The following PIK3CB variants were observed in gnomAD, a reference collection of about 807,000 sequenced individuals.
The protein encoded by PIK3CB is phosphatidylinositol-4,5-bisphosphate 3-kinase catalytic subunit beta.
PIK3CB carries 39 observed loss-of-function variants against 136.8 expected under a neutral mutation model. The ratio of observed to expected loss-of-function variants is 0.29; its 90% CI spans 0.22 to 0.37. PIK3CB has a LOEUF of 0.37. PIK3CB is among the 10% of genes least tolerant of loss of function. The probability of loss-of-function intolerance (pLI) is 1.00; values close to 1 mark genes in which losing one functional copy is unlikely to be tolerated. For missense variants in PIK3CB, 868 were observed against 1,275.4 expected (o/e 0.68, Z 4.87); for synonymous variants, 428 against 436.6 (o/e 0.98, Z 0.25).
chr3:138,715,423 G>C (rs975874808), intron 8 of PIK3CB, among the ~76,000 whole-genome samples: 1 of 152,140 alleles, frequency 6.6e-6, no homozygotes, highest in African/African-American at 2.4e-5. Flanking sequence ...CACAGAGATT[G>C]ACCCAGTGAT....
chr3:138,827,254 C>A (rs1933822070), intron 1 of PIK3CB, among the ~76,000 whole-genome samples: 3 of 152,164 alleles, frequency 2.0e-5, no homozygotes, highest in African/African-American at 4.8e-5. Context: ...TGATTCAGGA[C>A]GCAGTGAACA....
intron 21 of PIK3CB, among the ~76,000 whole-genome samples, chr3:138,660,393 T>C (rs1184526526): frequency 6.6e-6 from 1 of 152,180 alleles, no homozygotes; most frequent in Non-Finnish European, 1.5e-5. Context: ...ATACAATATA[T>C]TTTTTTGCTT....
intron 5 of PIK3CB, among the ~76,000 whole-genome samples, chr3:138,741,581 C>A (rs1269639002): frequency 6.6e-6 from 1 of 152,166 alleles, no homozygotes; most frequent in African/African-American, 2.4e-5. Flanking sequence ...GTAATCCCAG[C>A]ACTTTGGGAA....
intron 14 of PIK3CB, among the ~76,000 whole-genome samples, chr3:138,692,141 C>T (rs1489107160): frequency 6.6e-6 from 1 of 152,180 alleles, no homozygotes; most frequent in Admixed American, 6.5e-5. Context: ...TGTAAACACA[C>T]TCCTATCAGA....
chr3:138,773,703 T>C (rs1036043807), intron 2 of PIK3CB, among the ~76,000 whole-genome samples: 2 of 152,244 alleles, frequency 1.3e-5, no homozygotes, highest in Non-Finnish European at 2.9e-5. Flanking sequence ...GTTTTTAGTC[T>C]ACCTTCCTCT....
intron 1 of PIK3CB, among the ~76,000 whole-genome samples, chr3:138,814,854 T>C (rs1412212927): frequency 2.0e-5 from 3 of 151,262 alleles, no homozygotes; most frequent in African/African-American, 7.3e-5. Flanking sequence ...ATACAAAAAT[T>C]TGGCCAGGCG....
At chr3:138,768,351 G>C (rs750921280) in intron 2 of PIK3CB, among the ~76,000 whole-genome samples, 5 of 152,176 alleles carry the variant, frequency 3.3e-5, no homozygotes, top group African/African-American at 7.2e-5. Flanking sequence ...ACCAAGAGGA[G>C]GCCCTGGAAT....
chr3:138,657,868 T>G, intron 21 of PIK3CB, 33 bp from the exon 22 acceptor site: 1 of 1,597,242 alleles, frequency 6.3e-7, no homozygotes, highest in African/African-American at 1.4e-5. Context: ...TTTCCTTCAT[T>G]TTTCTGGTGG....
chr3:138,667,685 C>G (rs2043444164), intron 19 of PIK3CB, among the ~76,000 whole-genome samples: 1 of 151,058 alleles, frequency 6.6e-6, no homozygotes, highest in African/African-American at 2.4e-5. Flanking sequence ...CCTCAGCCTC[C>G]CGAGTAGCTG....
chr3:138,684,991 A>C, intron 16 of PIK3CB, 188 bp from the exon 17 acceptor site: 1 of 501,364 alleles, frequency 2.0e-6, no homozygotes, highest in Non-Finnish European at 3.5e-6. Context: ...TATTTTTAAC[A>C]GTTGTTATAG....
intron 2 of PIK3CB, among the ~76,000 whole-genome samples, chr3:138,772,634 T>A (rs1440904309): frequency 7.5e-6 from 1 of 133,104 alleles, no homozygotes; most frequent in African/African-American, 2.8e-5. Flanking sequence ...ATTCTTTTGA[T>A]TTTTTTTTTT....
chr3:138,678,902 C>A (rs1301408000), intron 19 of PIK3CB, among the ~76,000 whole-genome samples: 2 of 151,976 alleles, frequency 1.3e-5, no homozygotes, highest in Non-Finnish European at 2.9e-5. Context: ...CTCGTCTCTA[C>A]TAAAAATACA....
At chr3:138,808,893 G>C (rs1233582322) in intron 1 of PIK3CB, among the ~76,000 whole-genome samples, 2 of 151,862 alleles carry the variant, frequency 1.3e-5, no homozygotes, top group African/African-American at 4.8e-5. Context: ...TGTTTAAAGG[G>C]AAAATCTAGT....
intron 20 of PIK3CB, among the ~76,000 whole-genome samples, chr3:138,664,578 CA>C (rs2108420424): frequency 6.6e-6 from 1 of 152,300 alleles, no homozygotes; most frequent in African/African-American, 2.4e-5. Flanking sequence ...AAAATACTTG[CA>C]GACCATTTCC....
chr3:138,744,394 A>C (rs2045308888), intron 4 of PIK3CB, among the ~76,000 whole-genome samples: 1 of 109,976 alleles, frequency 9.1e-6, no homozygotes, highest in Non-Finnish European at 1.7e-5. Context: ...GACTCCCCCA[A>C]AAAAAAAAAA....
At chr3:138,655,814 G>A (rs1020440175) in intron 23 of PIK3CB, among the ~76,000 whole-genome samples, 38 of 152,202 alleles carry the variant, frequency 2.5e-4, no homozygotes, top group African/African-American at 8.9e-4. Context: ...GACCTACTAA[G>A]ATCCTGGCAA....
intron 4 of PIK3CB, among the ~76,000 whole-genome samples, chr3:138,743,279 C>T (rs975350982): frequency 3.9e-5 from 6 of 152,138 alleles, no homozygotes; most frequent in African/African-American, 9.6e-5. Flanking sequence ...AGAGGGAATA[C>T]GGAAAATCTC....
At chr3:138,791,541 A>G (rs413147) in intron 2 of PIK3CB, among the ~76,000 whole-genome samples, 97,751 of 151,912 alleles carry the variant, frequency 0.64, 32,753 homozygotes, top group East Asian at 0.98. Flanking sequence ...TCATACAGAG[A>G]AAAAGGCCTG....
At chr3:138,726,644 G>C (rs2044843704) in intron 8 of PIK3CB, among the ~76,000 whole-genome samples, 1 of 152,172 alleles carries the variant, frequency 6.6e-6, no homozygotes, top group Non-Finnish European at 1.5e-5. Flanking sequence ...TTTCCCACTA[G>C]AGCTATAAAC....
Sources: gnomAD v4.1 joint callset for allele counts (sites outside exome capture counted in the v4.1 genomes callset) on GRCh38, gnomAD v4.1.1 for gene constraint, MANE v1.5 for transcripts, NCBI Gene and HGNC (gene_info 2026-07-23, HGNC 2026-07-21) for gene names.